PDZD8: variants seen among roughly 807,000 people sequenced by gnomAD.
PDZD8 encodes PDZ domain-containing protein 8.
A neutral mutation model predicts 85.8 loss-of-function variants in PDZD8; 14 were observed. The ratio of observed to expected loss-of-function variants is 0.16; its 90% CI spans 0.11 to 0.26. The LOEUF is 0.26. Among genes scored for constraint, PDZD8 ranks in the 10% least tolerant of loss-of-function variants. The pLI is 1.00. For missense variants in PDZD8, 1,197 were observed against 1,424.3 expected (o/e 0.84, Z 2.57); for synonymous variants, 592 against 568.6 (o/e 1.04, Z -0.59).
chr10:117,372,808 C>T (rs1011914855), intron 1 of PDZD8, among the ~76,000 whole-genome samples: 5 of 152,184 alleles, frequency 3.3e-5, no homozygotes, highest in Non-Finnish European at 7.3e-5. Context: ...TAAACTGTCA[C>T]TCTGCGCTGT....
chr10:117,324,232 A>AAAAAAAAAAAAAAAAAGAC (rs1278760915), intron 2 of PDZD8, among the ~76,000 whole-genome samples: 1 of 146,096 alleles, frequency 6.8e-6, no homozygotes, highest in African/African-American at 2.7e-5. Context: ...AAAAAAAAAA[A>AAAAAAAAAAAAAAAAAGAC]AAGACAAGAG....
chr10:117,320,912 G>C (rs1844216362), intron 2 of PDZD8, among the ~76,000 whole-genome samples: 2 of 152,098 alleles, frequency 1.3e-5, no homozygotes, highest in Admixed American at 6.6e-5. Context: ...ATGAAAAGAT[G>C]CTCAACATCA....
intron 3 of PDZD8, among the ~76,000 whole-genome samples, chr10:117,312,368 G>A (rs140674197): frequency 3.7e-3 from 570 of 152,204 alleles, no homozygotes; most frequent in Non-Finnish European, 6.4e-3. Flanking sequence ...CCTACAATAC[G>A]CAATCAGAAA....
Position 117,279,009 on chromosome 10 carries a change from A to C in PDZD8, c.*4259T>G, listed in dbSNP as rs2133752391. 6.6e-6 allele frequency: 1 copy of C among 152,330 alleles called. No individual in the cohort carries two copies. Among genetic ancestry groups the C allele is most frequent in the East Asian group, 1.9e-4 (1 of 5,192 alleles). The allele number at this position is 152,330 out of a possible 1,614,324, so 9.4% of individuals were successfully genotyped here. A position where few individuals can be genotyped will look rare whatever the true frequency, so the allele number is the denominator to read the frequency against. On this transcript the variant is annotated 3_prime_UTR_variant, in exon 5 of 5. Coordinates refer to ENST00000334464, the MANE Select transcript of PDZD8 (RefSeq NM_173791.5). ...TGGTTCTCCCTGCCCCCAATACCAT[A>C]TACTTTATTGCAATTTTATTTTTGC... is the stretch of plus-strand genomic sequence containing the variant.
At chr10:117,341,978 G>T (rs1335035147) in intron 1 of PDZD8, among the ~76,000 whole-genome samples, 3 of 152,164 alleles carry the variant, frequency 2.0e-5, no homozygotes, top group Non-Finnish European at 4.4e-5. Flanking sequence ...CAACCCTGAA[G>T]AGGGCAATAT....
chr10:117,290,275 G>A lies in PDZD8; in HGVS notation c.1172C>T (p.Ala391Val). The change falls in exon 4 of 5, where the codon GCT becomes GTT. Residue 391 changes from alanine to valine, a missense_variant. Physicochemically the swap from Ala to Val is moderately conservative, Grantham distance 64. Around this residue, in one of 4 missense-constraint regions of PDZD8, gnomAD observed 344 missense variants for 453.6 expected, o/e 0.76. Transcript: ENST00000334464. ...LRLVQSTDGY[A>V]GHVIIETVAP... ...CACAGTTTCAATGATGACGTGCCCA[G>A]CATACCCATCAGTTGACTGGACAAG... The A allele has an allele frequency of 6.2e-7, 1 of 1,613,916 alleles. No homozygotes were observed. Among genetic ancestry groups the A allele is most frequent in the Non-Finnish European group, 8.5e-7 (1 of 1,179,828 alleles).
At chr10:117,311,262 A>G (rs1844031786) in intron 3 of PDZD8, among the ~76,000 whole-genome samples, 2 of 152,186 alleles carry the variant, frequency 1.3e-5, no homozygotes, top group Non-Finnish European at 1.5e-5. Context: ...ATTGAGTAGT[A>G]TATCTCTCAT....
intron 4 of PDZD8, among the ~76,000 whole-genome samples, chr10:117,289,741 A>G (rs2133763662): frequency 1.3e-5 from 2 of 152,318 alleles, no homozygotes; most frequent in Middle Eastern, 6.8e-3. Context: ...CTCCTGGAAA[A>G]GGAATGTTGG....
intron 1 of PDZD8, among the ~76,000 whole-genome samples, chr10:117,357,787 A>C (rs1844924662): frequency 5.3e-5 from 2 of 37,710 alleles, no homozygotes; most frequent in African/African-American, 1.8e-4. Context: ...AAAAAAAAAA[A>C]AAAAAAAAAA....
At chr10:117,309,404 A>AAC (rs1554852964) in intron 3 of PDZD8, among the ~76,000 whole-genome samples, 79 of 151,492 alleles carry the variant, frequency 5.2e-4, no homozygotes, top group Middle Eastern at 3.4e-3. Flanking sequence ...TAAAAAAAAA[A>AAC]AAAACATAGT....
intron 1 of PDZD8, among the ~76,000 whole-genome samples, chr10:117,359,328 A>T (rs1016812328): frequency 6.6e-6 from 1 of 151,876 alleles, no homozygotes; most frequent in African/African-American, 2.4e-5. Flanking sequence ...GGATGGTAGG[A>T]TCACTTGAGC....
At chr10:117,362,583 A>T (rs564241187) in intron 1 of PDZD8, among the ~76,000 whole-genome samples, 2 of 152,232 alleles carry the variant, frequency 1.3e-5, no homozygotes, top group African/African-American at 2.4e-5. Flanking sequence ...CTGGTTCAAT[A>T]AATGCTTGTT....
intron 2 of PDZD8, 110 bp from the exon 3 acceptor site, chr10:117,319,084 G>T: frequency 2.8e-6 from 2 of 706,282 alleles, no homozygotes; most frequent in East Asian, 2.9e-5. Flanking sequence ...TACTATTATA[G>T]CTTTAGTAAC....
rs1304180220 is a variant in PDZD8 at position 117,375,000 on chromosome 10, G to A, written c.228C>T (p.Gly76=). ...DEEPSGAAPE[G]GATPTAAPET... ...CGGGGGCCGCGGTGGGGGTCGCGCC[G>A]CCCTCAGGGGCCGCTCCGGAGGGCT... The change falls in exon 1 of 5, where the codon GGC becomes GGT. Residue 76 remains glycine, a synonymous_variant. Transcript: ENST00000334464. This position sits in a 1 kb window ranked among gnomAD's most constrained non-coding sequence, Gnocchi z 7.8. 1.9e-6 allele frequency: 3 copies of A among 1,587,360 alleles called. No homozygotes were observed. Among genetic ancestry groups the A allele is most frequent in the Non-Finnish European group, 2.6e-6 (3 of 1,167,212 alleles).
intron 1 of PDZD8, among the ~76,000 whole-genome samples, chr10:117,360,309 A>T (rs1194579518): frequency 6.6e-6 from 1 of 152,214 alleles, no homozygotes; most frequent in East Asian, 1.9e-4. Flanking sequence ...GGCAAATCTC[A>T]TATCTTCTTA....
rs577432310 is a variant in PDZD8 at position 117,278,878 on chromosome 10, T to G, written c.*4390A>C. 1.1e-3 allele frequency: 168 copies of G among 152,348 alleles called. No individual in the cohort carries two copies. The highest frequency in any genetic ancestry group is 3.9e-3 in the African/African-American group (161 of 41,576). 9.4% of individuals were successfully genotyped at this position (152,348 alleles called of 1,614,324 possible). A position where few individuals can be genotyped will look rare whatever the true frequency, so the allele number is the denominator to read the frequency against. On this transcript the variant is annotated 3_prime_UTR_variant, in exon 5 of 5. Transcript: ENST00000334464. ...AGTCTGCCACTTTGGAAGATGGCTC[T>G]GGAGGAAACTCTCATATGGCTAAAA... is the stretch of plus-strand genomic sequence containing the variant.
intron 3 of PDZD8, among the ~76,000 whole-genome samples, chr10:117,295,279 A>G (rs2133771947): frequency 6.6e-6 from 1 of 152,346 alleles, no homozygotes; most frequent in East Asian, 1.9e-4. Context: ...TAACTTTACT[A>G]AAGCTGCTGT....
At position 117,279,783 on chromosome 10, in the gene PDZD8, T is replaced by C. The variant is rs1302847039; in HGVS notation, c.*3485A>G. 6.6e-6 allele frequency: 1 copy of C among 152,232 alleles called. No homozygotes were observed. Among genetic ancestry groups the C allele is most frequent in the Non-Finnish European group, 1.5e-5 (1 of 68,026 alleles). The allele number at this position is 152,232 out of a possible 1,614,324, so 9.4% of individuals were successfully genotyped here. ...GGGAGTTTGTAAAACCGTTGAAATCTGATACATTTTGAATGGTGTGCCCAT... is the reference window on the plus strand; with the variant it reads ...GGGAGTTTGTAAAACCGTTGAAATCCGATACATTTTGAATGGTGTGCCCAT... On this transcript the variant is annotated 3_prime_UTR_variant, in exon 5 of 5. Coordinates refer to ENST00000334464, the MANE Select transcript of PDZD8 (RefSeq NM_173791.5).
chr10:117,374,291 C>T lies in PDZD8; in HGVS notation c.872+65G>A. On this transcript the variant is annotated intron_variant, in intron 1 of 4. Coordinates refer to ENST00000334464, the MANE Select transcript of PDZD8 (RefSeq NM_173791.5). The surrounding 1 kb of genome is among the most constrained non-coding windows in gnomAD (Gnocchi z 7.8). ...AAATGAGCCTTTGCCCTTCCCAATC[C>T]ACGCAGCGTCCCGCCCAGGCCCGGG... The T allele has an allele frequency of 6.3e-7, 1 of 1,578,814 alleles. No homozygotes were observed. The highest frequency in any genetic ancestry group is 2.2e-5 in the East Asian group (1 of 44,584).
Sources: allele counts gnomAD v4.1 joint callset (sites outside exome capture counted in the v4.1 genomes callset), GRCh38; gene constraint gnomAD v4.1.1; regional missense constraint gnomAD v4.1.1; non-coding constraint Gnocchi (gnomAD v3.1); transcripts MANE v1.5; gene names NCBI Gene and HGNC (gene_info 2026-07-23, HGNC 2026-07-21).